The following NIBAN1 variants were observed in gnomAD, a reference collection of about 807,000 sequenced individuals.
NIBAN1 encodes protein Niban 1.
Under a neutral mutation model 75.1 loss-of-function variants are expected in NIBAN1, and 81 were observed. The ratio of observed to expected loss-of-function variants is 1.08; its 90% CI spans 0.90 to 1.30. The LOEUF (loss-of-function observed/expected upper bound fraction) is 1.30. NIBAN1 is among the 50% of genes most tolerant of loss of function. NIBAN1 has a pLI of 0.00. For synonymous variants in NIBAN1, 436 were observed against 424.8 expected, an observed-to-expected ratio of 1.03 and a Z score of -0.32; for missense variants, 1,133 against 1,128.1, an observed-to-expected ratio of 1.00 and a Z score of -0.06.
chr1:184,873,997 C>A (rs1236989301), intron 5 of NIBAN1, among the ~76,000 whole-genome samples: 2 of 151,934 alleles, frequency 1.3e-5, no homozygotes, highest in Admixed American at 6.6e-5. Context: ...TCCACAACAA[C>A]CTATAAGTGG....
intron 3 of NIBAN1, among the ~76,000 whole-genome samples, chr1:184,892,895 T>C (rs2101980293): frequency 6.6e-6 from 1 of 152,070 alleles, no homozygotes; most frequent in East Asian, 1.9e-4. Flanking sequence ...CCTCACCCTC[T>C]TGAGTATCTG....
At chr1:184,813,509 A>G (rs2102206642) in intron 9 of NIBAN1, among the ~76,000 whole-genome samples, 1 of 152,342 alleles carries the variant, frequency 6.6e-6, no homozygotes, top group South Asian at 2.1e-4. Flanking sequence ...GCCTGGGGAT[A>G]TATGGAATTA....
intron 4 of NIBAN1, among the ~76,000 whole-genome samples, chr1:184,887,382 T>C (rs1656554639): frequency 6.6e-6 from 1 of 152,278 alleles, no homozygotes; most frequent in African/African-American, 2.4e-5. Context: ...CTGGGGAGAA[T>C]AAGGCCCCTG....
chr1:184,895,604 T>C (rs1385571253), intron 2 of NIBAN1, among the ~76,000 whole-genome samples: 1 of 152,214 alleles, frequency 6.6e-6, no homozygotes, highest in Non-Finnish European at 1.5e-5. Flanking sequence ...CGTGTGTTTC[T>C]TACATGGGTA....
At chr1:184,932,180 G>A (rs1657840810) in intron 1 of NIBAN1, among the ~76,000 whole-genome samples, 1 of 152,210 alleles carries the variant, frequency 6.6e-6, no homozygotes, top group Admixed American at 6.5e-5. Context: ...CCATGGACCA[G>A]GGTTGGGGTG....
chr1:184,974,346 G>C lies in NIBAN1; in HGVS notation c.11C>G (p.Ser4Ter). The C allele has an allele frequency of 1.9e-6, 3 of 1,562,704 alleles. No homozygotes were observed. Among genetic ancestry groups the C allele is most frequent in the Non-Finnish European group, 2.6e-6 (3 of 1,161,202 alleles). Residue 4 changes from serine (S) to a stop codon, truncating the protein, a stop_gained, in exon 1 of 14, where the codon TCA becomes TGA. Coordinates refer to ENST00000367511, the MANE Select transcript of NIBAN1 (RefSeq NM_052966.4). LOFTEE classifies it high-confidence loss of function. MGG[S>*]ASSQLDEGKC... is the part of the protein sequence containing the mutation. ...GCCCTCGTCCAGCTGGCTGGAGGCT[G>C]AGCCGCCCATGACCGCGAGCTGCCT...
chr1:184,799,899 C>T (rs1471383855), intron 12 of NIBAN1, among the ~76,000 whole-genome samples: 2 of 98,780 alleles, frequency 2.0e-5, no homozygotes, highest in Non-Finnish European at 3.8e-5. Flanking sequence ...GCGCCCGCTA[C>T]CACGCCCAGC....
In NIBAN1 at chr1:184,874,892, G is replaced by A. The variant is rs544492763; in HGVS notation, c.601+9741C>T. Among the ~76,000 whole-genome samples the A allele has an allele frequency of 9.9e-5, 15 of 151,694 alleles. No individual in the cohort carries two copies. The South Asian group carries it at 1.5e-3, about 15-fold the overall frequency. On this transcript the variant is annotated intron_variant, in intron 5 of 13. Transcript: ENST00000367511. ...CTATAGAATATATATTGTTTTCAAG[G>A]GCCTATGAGCTTTTATAAAAATTGA... is the stretch of plus-strand genomic sequence containing the variant.
intron 1 of NIBAN1, among the ~76,000 whole-genome samples, chr1:184,931,290 G>A (rs907764878): frequency 7.9e-5 from 12 of 152,098 alleles, no homozygotes; most frequent in Non-Finnish European, 1.0e-4. Flanking sequence ...GTGAGCCACC[G>A]CACCCAGCCC....
intron 1 of NIBAN1, among the ~76,000 whole-genome samples, chr1:184,901,577 A>G (rs1291661445): frequency 6.6e-6 from 1 of 152,254 alleles, no homozygotes; most frequent in Non-Finnish European, 1.5e-5. Flanking sequence ...CTTTAGGTCC[A>G]AGTAGCCACT....
chr1:184,799,036 T>G (rs990558518), intron 12 of NIBAN1, among the ~76,000 whole-genome samples: 9 of 152,148 alleles, frequency 5.9e-5, no homozygotes, highest in Non-Finnish European at 1.3e-4. Context: ...ATTTTTGTTT[T>G]ATTTTATTTT....
rs1396829216 is a variant in NIBAN1, at chr1:184,974,348, G to A, written c.9C>T (p.Gly3=). MG[G]SASSQLDEGK... ...CCTCGTCCAGCTGGCTGGAGGCTGA[G>A]CCGCCCATGACCGCGAGCTGCCTGT... The change falls in exon 1 of 14, where the codon GGC becomes GGT. Residue 3 remains glycine (G), a synonymous_variant. Transcript: ENST00000367511. 1 of 1,561,848 alleles carries A rather than the reference G, an allele frequency of 6.4e-7. No homozygotes were observed. Among genetic ancestry groups the A allele is most frequent in the Admixed American group, 1.8e-5 (1 of 54,680 alleles).
chr1:184,800,387 A>G (rs1328038979), intron 12 of NIBAN1, among the ~76,000 whole-genome samples: 1 of 151,512 alleles, frequency 6.6e-6, no homozygotes, highest in African/African-American at 2.4e-5. Flanking sequence ...CCATTTGTCA[A>G]TTTTGGCTTT....
chr1:184,813,002 T>A (rs998120907), intron 9 of NIBAN1, among the ~76,000 whole-genome samples: 3 of 152,234 alleles, frequency 2.0e-5, no homozygotes, highest in Non-Finnish European at 4.4e-5. Flanking sequence ...TAAGAAATTT[T>A]AAAAATACTT....
intron 5 of NIBAN1, among the ~76,000 whole-genome samples, chr1:184,841,674 G>A (rs1365029431): frequency 6.6e-6 from 1 of 152,182 alleles, no homozygotes; most frequent in Non-Finnish European, 1.5e-5. Flanking sequence ...CATTTAGAGT[G>A]TGGCAGATTT....
Position 184,892,284 on chromosome 1 carries a change from G to A in NIBAN1, c.318+1791C>T, listed in dbSNP as rs148379436. Among the ~76,000 whole-genome samples, 13 of 152,106 alleles carry A rather than the reference G, an allele frequency of 8.5e-5. No homozygotes were observed. In the East Asian group the frequency reaches 1.9e-3, roughly 23 times the overall value. On this transcript the variant is annotated intron_variant, in intron 3 of 13. Transcript: ENST00000367511. Reference sequence around the variant, plus strand: ...CTCAACACCATGGCAAAGAAATCACGCAGATCTCATTTTACAGATGAGAAA... The same window carrying A: ...CTCAACACCATGGCAAAGAAATCACACAGATCTCATTTTACAGATGAGAAA...
chr1:184,886,886 G>C (rs1656539461), intron 4 of NIBAN1, among the ~76,000 whole-genome samples: 1 of 152,094 alleles, frequency 6.6e-6, no homozygotes, highest in Non-Finnish European at 1.5e-5. Flanking sequence ...ACTTTGGGAG[G>C]CCAAGGAGGG....
chr1:184,805,322 A>G (rs1017381761), intron 11 of NIBAN1, among the ~76,000 whole-genome samples: 8 of 152,240 alleles, frequency 5.3e-5, no homozygotes, highest in Admixed American at 6.5e-5. Context: ...TAATTAAGTC[A>G]CATTAGCTTT....
intron 1 of NIBAN1, among the ~76,000 whole-genome samples, chr1:184,930,467 C>A (rs923948292): frequency 6.6e-6 from 1 of 152,120 alleles, no homozygotes; most frequent in Admixed American, 6.5e-5. Context: ...CGTAGAGATG[C>A]CTGAAATGAG....
Sources: gnomAD v4.1 joint callset for allele counts (sites outside exome capture counted in the v4.1 genomes callset) on GRCh38, gnomAD v4.1.1 for gene constraint, MANE v1.5 for transcripts, NCBI Gene and HGNC (gene_info 2026-07-23, HGNC 2026-07-21) for gene names.